The following SLC24A2 variants were observed in gnomAD, a reference collection of about 807,000 sequenced individuals.
The protein encoded by SLC24A2 is solute carrier family 24 member 2, also known as sodium/potassium/calcium exchanger 2.
SLC24A2 carries 36 observed loss-of-function variants against 62.0 expected under a neutral mutation model. That is an observed-to-expected ratio of 0.58 (90% CI 0.44 to 0.77). The LOEUF (loss-of-function observed/expected upper bound fraction) is 0.77. SLC24A2 is among the 30% of genes least tolerant of loss of function. SLC24A2 has a pLI of 0.00. For synonymous variants in SLC24A2, 358 were observed against 294.0 expected, an observed-to-expected ratio of 1.22 and a Z score of -2.23; for missense variants, 846 against 817.9, an observed-to-expected ratio of 1.03 and a Z score of -0.42.
the SLC24A2 span, among the ~76,000 whole-genome samples, chr9:20,191,163 T>C: frequency 0.18 from 9,934 of 55,690 alleles, 418 homozygotes; most frequent in South Asian, 0.32. Context: ...TTCCGGACCT[T>C]TTTTTTTTTT....
chr9:20,177,970 T>C, the SLC24A2 span, among the ~76,000 whole-genome samples: 1 of 152,098 alleles, frequency 6.6e-6, no homozygotes, highest in Non-Finnish European at 1.5e-5. Flanking sequence ...CCTTACTTTT[T>C]TACACTATAC....
the SLC24A2 span, among the ~76,000 whole-genome samples, chr9:20,210,786 G>A: frequency 2.0e-5 from 3 of 151,570 alleles, no homozygotes; most frequent in Admixed American, 6.6e-5. Context: ...TTACAGGTGT[G>A]AGCCACCGCG....
At chr9:20,093,081 G>GT in the SLC24A2 span, among the ~76,000 whole-genome samples, 3 of 150,410 alleles carry the variant, frequency 2.0e-5, no homozygotes, top group Non-Finnish European at 4.4e-5. Context: ...TCTGTTTTTT[G>GT]TTTTTTTTAG....
the SLC24A2 span, among the ~76,000 whole-genome samples, chr9:19,943,014 T>G: frequency 6.6e-6 from 1 of 152,142 alleles, no homozygotes; most frequent in African/African-American, 2.4e-5. Flanking sequence ...TTTCAGAAGC[T>G]GAAGAAATTA....
At chr9:19,993,857 C>G in the SLC24A2 span, among the ~76,000 whole-genome samples, 1 of 152,168 alleles carries the variant, frequency 6.6e-6, no homozygotes, top group East Asian at 1.9e-4. Context: ...ATTGAAAACA[C>G]AATCATTAAT....
At chr9:20,265,102 G>T in the SLC24A2 span, among the ~76,000 whole-genome samples, 1 of 152,234 alleles carries the variant, frequency 6.6e-6, no homozygotes, top group Admixed American at 6.5e-5. Context: ...CTTGCAGCGG[G>T]CTACAGCGGG....
In SLC24A2 at chr9:19,636,315, T is replaced by TTTTCTTTTCTTTTCTTTTCTTTTCCTTTC; in HGVS notation, c.931-14017_931-14016insGAAAGGAAAAGAAAAGAAAAGAAAAGAAA. ...TTTTCTTTTCTTTTCTTTTCTTTTC[T>TTTTCTTTTCTTTTCTTTTCTTTTCCTTTC]TTTCTTTCTTTCTTTCTTTCTTTCT... On this transcript the variant is annotated intron_variant, in intron 2 of 10. Transcript: ENST00000341998. 1.8e-3 allele frequency among the ~76,000 whole-genome samples: 73 copies of TTTTCTTTTCTTTTCTTTTCTTTTCCTTTC among 40,312 alleles called. 5 individuals carry two copies. Among genetic ancestry groups the TTTTCTTTTCTTTTCTTTTCTTTTCCTTTC allele is most frequent in the Non-Finnish European group, 2.3e-3 (48 of 21,286 alleles). The allele number at this position is 40,312 out of a possible 152,430, so 26.4% of individuals were successfully genotyped here. A position where few individuals can be genotyped will look rare whatever the true frequency, so the allele number is the denominator to read the frequency against.
the SLC24A2 span, among the ~76,000 whole-genome samples, chr9:20,010,848 G>A: frequency 6.8e-6 from 1 of 147,866 alleles, no homozygotes; most frequent in Non-Finnish European, 1.5e-5. Flanking sequence ...CTATGAGTGA[G>A]AACATGTGGT....
intron 8 of SLC24A2, among the ~76,000 whole-genome samples, chr9:19,537,362 C>T (rs1834028857): frequency 1.4e-5 from 1 of 73,868 alleles, no homozygotes; most frequent in African/African-American, 5.8e-5. Context: ...TTTAATCCAT[C>T]TTGAATTGAT....
At chr9:20,228,005 C>T in the SLC24A2 span, among the ~76,000 whole-genome samples, 18 of 152,130 alleles carry the variant, frequency 1.2e-4, no homozygotes, top group Non-Finnish European at 2.4e-4. Flanking sequence ...TTTCTCTTTG[C>T]AAAATCAAAG....
At chr9:19,791,722 A>C (rs1261022622), upstream of SLC24A2, among the ~76,000 whole-genome samples, 1 of 152,250 alleles carries the variant, frequency 6.6e-6, no homozygotes, top group African/African-American at 2.4e-5. Flanking sequence ...CTAGTCATAA[A>C]GAAAGGGTAG....
the SLC24A2 span, among the ~76,000 whole-genome samples, chr9:19,818,418 T>G: frequency 6.6e-6 from 1 of 152,148 alleles, no homozygotes; most frequent in Non-Finnish European, 1.5e-5. Flanking sequence ...AAACTCTCAC[T>G]GTTTGCTGAC....
chr9:20,005,707 A>T, the SLC24A2 span, among the ~76,000 whole-genome samples: 1 of 152,042 alleles, frequency 6.6e-6, no homozygotes. Flanking sequence ...TATTAGATGT[A>T]AATGGAGAAA....
the SLC24A2 span, among the ~76,000 whole-genome samples, chr9:20,011,987 C>T: frequency 3.3e-5 from 5 of 152,098 alleles, no homozygotes; most frequent in African/African-American, 1.2e-4. Flanking sequence ...AAGTCAACAC[C>T]TTCTCATGAT....
chr9:20,148,357 G>A, the SLC24A2 span, among the ~76,000 whole-genome samples: 1 of 152,060 alleles, frequency 6.6e-6, no homozygotes, highest in East Asian at 1.9e-4. Flanking sequence ...AGAAAGGAAA[G>A]CTATCAGAGG....
the SLC24A2 span, among the ~76,000 whole-genome samples, chr9:20,195,928 C>T: frequency 6.6e-6 from 1 of 151,922 alleles, no homozygotes; most frequent in Non-Finnish European, 1.5e-5. Context: ...AAGAAAAAGT[C>T]AGAGACAACT....
chr9:19,797,816 G>A, the SLC24A2 span, among the ~76,000 whole-genome samples: 248 of 152,182 alleles, frequency 1.6e-3, 1 homozygote, highest in African/African-American at 5.5e-3. Flanking sequence ...TTTTGCCAGC[G>A]TGGGAAGGGG....
chr9:20,055,035 T>G, the SLC24A2 span, among the ~76,000 whole-genome samples: 1 of 152,214 alleles, frequency 6.6e-6, no homozygotes, highest in Non-Finnish European at 1.5e-5. Context: ...GACAATATAA[T>G]TCTATCAGTA....
chr9:19,859,606 C>A, the SLC24A2 span, among the ~76,000 whole-genome samples: 1 of 152,180 alleles, frequency 6.6e-6, no homozygotes, highest in African/African-American at 2.4e-5. Flanking sequence ...TATCTACATG[C>A]ACAATAAATC....
Sources: allele counts gnomAD v4.1 joint callset (sites outside exome capture counted in the v4.1 genomes callset), GRCh38; gene constraint gnomAD v4.1.1; transcripts MANE v1.5; gene names NCBI Gene and HGNC (gene_info 2026-07-23, HGNC 2026-07-21).